Variants in PDZRN3 observed in about 807,000 individuals in gnomAD.
PDZRN3 encodes PDZ domain containing ring finger 3.
A neutral mutation model predicts 85.7 loss-of-function variants in PDZRN3; 38 were observed. The observed-to-expected ratio is 0.44, with a 90% CI of 0.34 to 0.58. The LOEUF is 0.58. Among genes scored for constraint, PDZRN3 ranks in the 20% least tolerant of loss-of-function variants. The probability of loss-of-function intolerance (pLI) is 0.01; values close to 1 mark genes in which losing one functional copy is unlikely to be tolerated. For synonymous variants in PDZRN3, 759 were observed against 638.0 expected (o/e 1.19, Z -2.86); for missense variants, 1,629 against 1,506.4 (o/e 1.08, Z -1.35).
At chr3:73,390,924 A>T (rs1701510920) in intron 6 of PDZRN3, 94 bp downstream of exon 6, 1 of 752,430 alleles carries the variant, frequency 1.3e-6, no homozygotes. Flanking sequence ...TTCCAAAGAG[A>T]TCTTGATGAG....
At chr3:73,507,232 G>C (rs1467105354) in intron 3 of PDZRN3, among the ~76,000 whole-genome samples, 1 of 152,130 alleles carries the variant, frequency 6.6e-6, no homozygotes, top group Non-Finnish European at 1.5e-5. Flanking sequence ...GCAATGGTGA[G>C]ATCTCAGTTC....
intron 3 of PDZRN3, chr3:73,569,450 C>T (rs1702010725): frequency 6.2e-6 from 7 of 1,127,812 alleles, no homozygotes; most frequent in Admixed American, 4.5e-5. Flanking sequence ...TCTTAAGCCC[C>T]GAGGCGTCTA....
chr3:73,477,507 T>C (rs1432520057), intron 3 of PDZRN3, among the ~76,000 whole-genome samples: 3 of 152,190 alleles, frequency 2.0e-5, no homozygotes, highest in Non-Finnish European at 4.4e-5. Flanking sequence ...TAAAGTCTGC[T>C]TGGTGAGGGC....
chr3:73,563,013 A>ATATTTTTTTT (rs1187151191), intron 3 of PDZRN3, among the ~76,000 whole-genome samples: 2 of 43,780 alleles, frequency 4.6e-5, no homozygotes, highest in African/African-American at 2.0e-4. Flanking sequence ...ATATATATAT[A>ATATTTTTTTT]TTTTTTTTTT....
intron 3 of PDZRN3, among the ~76,000 whole-genome samples, chr3:73,496,366 T>C (rs949560454): frequency 6.7e-5 from 3 of 44,488 alleles, no homozygotes; most frequent in African/African-American, 2.8e-4. Context: ...AATTTTCAAA[T>C]ATATACGAAC....
chr3:73,534,389 G>A (rs1404571863), intron 3 of PDZRN3, among the ~76,000 whole-genome samples: 3 of 152,138 alleles, frequency 2.0e-5, no homozygotes, highest in African/African-American at 4.8e-5. Context: ...GTTAAATTCC[G>A]TCTCTCTTTT....
chr3:73,415,897 A>AT (rs569834085), intron 3 of PDZRN3, among the ~76,000 whole-genome samples: 1 of 145,596 alleles, frequency 6.9e-6, no homozygotes, highest in African/African-American at 2.5e-5. Flanking sequence ...ACCTTTTTTC[A>AT]TTTTTTTAGT....
chr3:73,575,495 G>A lies in PDZRN3; in HGVS notation c.918+26859C>T, dbSNP rs377697036. On this transcript the variant is annotated intron_variant, in intron 3 of 9. Coordinates refer to ENST00000263666, the MANE Select transcript of PDZRN3 (RefSeq NM_015009.3). ...CACAGTGACCTTCTCAAGTAGAAAC[G>A]CGAGAAACAGCAGTCAAATTGAATA... is the stretch of plus-strand genomic sequence containing the variant. Among the ~76,000 whole-genome samples, 61 of 152,252 alleles carry A rather than the reference G, an allele frequency of 4.0e-4. No individual in the cohort carries two copies. The South Asian group carries it at 0.011, about 27-fold the overall frequency.
chr3:73,395,656 G>C (rs2106704630), intron 5 of PDZRN3, among the ~76,000 whole-genome samples: 1 of 152,296 alleles, frequency 6.6e-6, no homozygotes. Flanking sequence ...TACTGGTCCA[G>C]GTTGCTGTGC....
chr3:73,428,165 G>A (rs1180758107), intron 3 of PDZRN3, among the ~76,000 whole-genome samples: 1 of 152,154 alleles, frequency 6.6e-6, no homozygotes, highest in East Asian at 1.9e-4. Flanking sequence ...ACAGGGCTCT[G>A]TGAGCCACAG....
intron 3 of PDZRN3, among the ~76,000 whole-genome samples, chr3:73,445,274 A>T (rs902839656): frequency 6.6e-6 from 1 of 152,184 alleles, no homozygotes; most frequent in Non-Finnish European, 1.5e-5. Flanking sequence ...GGTCCTTTCC[A>T]ACAGCCGGTA....
chr3:73,444,046 C>T (rs1398502961), intron 3 of PDZRN3, among the ~76,000 whole-genome samples: 1 of 152,072 alleles, frequency 6.6e-6, no homozygotes, highest in African/African-American at 2.4e-5. Context: ...ACCTTTCCCA[C>T]ATCTGTCTCA....
chr3:73,395,608 T>C (rs1701619760), intron 5 of PDZRN3, among the ~76,000 whole-genome samples: 1 of 152,216 alleles, frequency 6.6e-6, no homozygotes, highest in Non-Finnish European at 1.5e-5. Context: ...TTTATCCACC[T>C]CCAGGAAGAC....
At chr3:73,513,163 G>A (rs1362208488) in intron 3 of PDZRN3, among the ~76,000 whole-genome samples, 1 of 152,128 alleles carries the variant, frequency 6.6e-6, no homozygotes, top group Non-Finnish European at 1.5e-5. Context: ...GGGCAACCCA[G>A]GCTTCCCAAG....
chr3:73,572,182 A>G (rs1323396900), intron 3 of PDZRN3, among the ~76,000 whole-genome samples: 2 of 152,218 alleles, frequency 1.3e-5, no homozygotes, highest in East Asian at 3.8e-4. Context: ...AAAATAAACC[A>G]TTAAATCCAT....
At chr3:73,483,375 T>A (rs558902780) in intron 3 of PDZRN3, among the ~76,000 whole-genome samples, 1 of 152,336 alleles carries the variant, frequency 6.6e-6, no homozygotes, top group East Asian at 1.9e-4. Context: ...CTGGATACTC[T>A]TGTCAACCAT....
chr3:73,519,682 C>T (rs1704319208), intron 3 of PDZRN3, among the ~76,000 whole-genome samples: 1 of 152,196 alleles, frequency 6.6e-6, no homozygotes, highest in Non-Finnish European at 1.5e-5. Context: ...GAAAAAACAT[C>T]AAGTTACGTC....
At chr3:73,585,425 C>G (rs1702263437) in intron 3 of PDZRN3, among the ~76,000 whole-genome samples, 1 of 152,144 alleles carries the variant, frequency 6.6e-6, no homozygotes. Context: ...TAAAATAAAT[C>G]TGTTTACTAC....
intron 3 of PDZRN3, among the ~76,000 whole-genome samples, chr3:73,435,762 TAC>T (rs893273283): frequency 1.3e-4 from 20 of 152,180 alleles, no homozygotes; most frequent in African/African-American, 4.6e-4. Flanking sequence ...GTTGCTTCTC[TAC>T]CCTAGTTCAT....
Sources: allele counts gnomAD v4.1 joint callset (sites outside exome capture counted in the v4.1 genomes callset), GRCh38; gene constraint gnomAD v4.1.1; transcripts MANE v1.5; gene names NCBI Gene and HGNC (gene_info 2026-07-23, HGNC 2026-07-21).